The following METTL15 variants were observed in gnomAD, a reference collection of about 807,000 sequenced individuals.
The protein encoded by METTL15 is 12S rRNA N(4)-cytidine methyltransferase METTL15.
METTL15 carries 34 observed loss-of-function variants against 38.3 expected under a neutral mutation model. That is an observed-to-expected ratio of 0.89 (90% CI 0.68 to 1.18). The LOEUF (loss-of-function observed/expected upper bound fraction) is 1.18, where lower values mean the gene tolerates loss of function less well. Among genes scored for constraint, METTL15 ranks in the 50% most tolerant of loss-of-function variants. The pLI, the probability that METTL15 is intolerant of heterozygous loss-of-function variation, is 0.00. For missense variants in METTL15, 438 were observed against 498.4 expected, an observed-to-expected ratio of 0.88 and a Z score of 1.15; for synonymous variants, 162 against 170.9, an observed-to-expected ratio of 0.95 and a Z score of 0.41.
intron 6 of METTL15, 66 bp downstream of exon 6, chr11:28,296,997 G>T (rs1351050081): frequency 5.9e-6 from 9 of 1,525,302 alleles, no homozygotes; most frequent in Non-Finnish European, 8.2e-6. Context: ...GCATGTGTTT[G>T]TGTGCATGCA....
chr11:28,502,168 A>G (rs1851589953), intron 6 of METTL15, among the ~76,000 whole-genome samples: 2 of 152,012 alleles, frequency 1.3e-5, no homozygotes, highest in Admixed American at 6.6e-5. Context: ...CCTTATATCC[A>G]GCTATCTTCT....
intron 3 of METTL15, among the ~76,000 whole-genome samples, chr11:28,116,474 A>G (rs1851962448): frequency 6.6e-6 from 1 of 152,154 alleles, no homozygotes; most frequent in South Asian, 2.1e-4. Context: ...AAGAGCAAAG[A>G]TTCTGGAACT....
downstream of METTL15, among the ~76,000 whole-genome samples, chr11:28,334,736 C>T (rs187585178): frequency 4.6e-5 from 7 of 152,174 alleles, no homozygotes; most frequent in Admixed American, 1.3e-4. Context: ...GGATGATCTG[C>T]AGGAATGCTA....
At chr11:28,213,658 C>CT (rs34361912) in intron 4 of METTL15, among the ~76,000 whole-genome samples, 2,621 of 131,904 alleles carry the variant, frequency 0.02, 44 homozygotes, top group South Asian at 0.04. Context: ...GCCTTTTTTT[C>CT]TTTTTTTTTT....
intron 6 of METTL15, among the ~76,000 whole-genome samples, chr11:28,469,332 TG>T (rs1302242473): frequency 6.6e-6 from 1 of 152,212 alleles, no homozygotes; most frequent in Non-Finnish European, 1.5e-5. Context: ...CATTTATGCA[TG>T]TGTGCATTGT....
At chr11:28,357,038 T>TA (rs1850096649) in intron 4 of METTL15, among the ~76,000 whole-genome samples, 1 of 152,210 alleles carries the variant, frequency 6.6e-6, no homozygotes, top group Non-Finnish European at 1.5e-5. Context: ...ACAGTTGCTA[T>TA]TAACATCCTG....
chr11:28,356,724 A>T (rs1850093063), intron 4 of METTL15, among the ~76,000 whole-genome samples: 2 of 152,196 alleles, frequency 1.3e-5, no homozygotes, highest in Admixed American at 1.3e-4. Flanking sequence ...GGAAACAAAA[A>T]CACCATTTGA....
intron 5 of METTL15, among the ~76,000 whole-genome samples, chr11:28,366,360 AAT>A (rs1850185529): frequency 6.6e-6 from 1 of 152,158 alleles, no homozygotes; most frequent in Non-Finnish European, 1.5e-5. Context: ...CTATAAATAA[AAT>A]ACTGCCCTGT....
chr11:28,182,107 T>C (rs183566531), intron 3 of METTL15, among the ~76,000 whole-genome samples: 11 of 152,238 alleles, frequency 7.2e-5, no homozygotes, highest in African/African-American at 2.6e-4. Context: ...ATGGGGTTGT[T>C]TGTTTTTTTC....
intron 4 of METTL15, among the ~76,000 whole-genome samples, chr11:28,252,401 C>T (rs1264385878): frequency 1.3e-5 from 2 of 152,060 alleles, no homozygotes; most frequent in Admixed American, 6.6e-5. Flanking sequence ...AAATCTGTAA[C>T]TCCCTTACCT....
chr11:28,392,179 A>G (rs1718648699), intron 5 of METTL15, among the ~76,000 whole-genome samples: 1 of 152,198 alleles, frequency 6.6e-6, no homozygotes, highest in African/African-American at 2.4e-5. Flanking sequence ...TTCTCAAAAG[A>G]AGACATTTAT....
chr11:28,239,858 T>A (rs770980546), intron 4 of METTL15, among the ~76,000 whole-genome samples: 4 of 152,244 alleles, frequency 2.6e-5, no homozygotes, highest in Non-Finnish European at 5.9e-5. Flanking sequence ...TATATTTTGT[T>A]ATACAACATC....
intron 6 of METTL15, among the ~76,000 whole-genome samples, chr11:28,506,017 CCCTCATTTTGCTT>C (rs1174679387): frequency 6.6e-6 from 1 of 152,182 alleles, no homozygotes; most frequent in African/African-American, 2.4e-5. Context: ...TTTGTGAGAG[CCCTCATTTTGCTT>C]CCTCATACTC....
intron 4 of METTL15, among the ~76,000 whole-genome samples, chr11:28,220,610 T>A (rs1309724399): frequency 6.6e-6 from 1 of 152,152 alleles, no homozygotes; most frequent in Non-Finnish European, 1.5e-5. Flanking sequence ...CATTATGATG[T>A]TAGTTGGTTA....
At chr11:28,325,868 A>G (rs1432984887) in intron 6 of METTL15, among the ~76,000 whole-genome samples, 6 of 152,216 alleles carry the variant, frequency 3.9e-5, no homozygotes, top group African/African-American at 9.6e-5. Context: ...AGTGAGATAA[A>G]TAAGTAAACA....
intron 4 of METTL15, among the ~76,000 whole-genome samples, chr11:28,239,127 A>G (rs1322574819): frequency 6.6e-6 from 1 of 152,104 alleles, no homozygotes; most frequent in African/African-American, 2.4e-5. Flanking sequence ...CTATCTACAC[A>G]TTGATGACTC....
In METTL15 at chr11:28,378,750, C is replaced by T. The variant is rs1170138123; in HGVS notation, c.*358+16714C>T. ...GTCTTAGAATGGGTTTGAAGTATTC[C>T]CTCCTCTTCAGTTTTTTTTTTTTTT... is the stretch of plus-strand genomic sequence containing the variant. On this transcript the variant is annotated intron_variant and NMD_transcript_variant, in intron 5 of 7. Coordinates refer to the METTL15 transcript ENST00000532947. Among the ~76,000 whole-genome samples the T allele has an allele frequency of 2.8e-5, 4 of 144,434 alleles. No individual in the cohort carries two copies. The East Asian group carries it at 8.0e-4, about 29-fold the overall frequency. The allele number at this position is 144,434 out of a possible 152,430, so 94.8% of individuals were successfully genotyped here.
At chr11:28,289,619 T>C (rs959740753) in intron 4 of METTL15, among the ~76,000 whole-genome samples, 1 of 152,126 alleles carries the variant, frequency 6.6e-6, no homozygotes, top group Non-Finnish European at 1.5e-5. Flanking sequence ...TTCTGAATGC[T>C]CCATTCACTT....
intron 5 of METTL15, among the ~76,000 whole-genome samples, chr11:28,375,538 C>G (rs963167554): frequency 1.3e-5 from 2 of 151,792 alleles, no homozygotes; most frequent in East Asian, 3.9e-4. Flanking sequence ...TTTATTGTGT[C>G]TATTTGATTC....
Sources: gnomAD v4.1 joint callset for allele counts (sites outside exome capture counted in the v4.1 genomes callset) on GRCh38, gnomAD v4.1.1 for gene constraint, MANE v1.5 for transcripts, NCBI Gene and HGNC (gene_info 2026-07-23, HGNC 2026-07-21) for gene names.